Variants in SLC27A4 observed in about 807,000 individuals in gnomAD.
SLC27A4 encodes the protein long-chain fatty acid transport protein 4.
A neutral mutation model predicts 64.4 loss-of-function variants in SLC27A4; 33 were observed. The ratio of observed to expected loss-of-function variants is 0.51; its 90% confidence interval spans 0.39 to 0.68. The LOEUF is 0.68. Among genes scored for constraint, SLC27A4 ranks in the 30% least tolerant of loss-of-function variants. SLC27A4 has a pLI of 0.00. For synonymous variants in SLC27A4, 377 were observed against 370.0 expected, an observed-to-expected ratio of 1.02 and a Z score of -0.22; for missense variants, 824 against 883.5, an observed-to-expected ratio of 0.93 and a Z score of 0.85.
rs781649878 is a variant in SLC27A4, at chr9:128,360,541, G to C, written c.*50G>C. On this transcript the variant is annotated 3_prime_UTR_variant, in exon 13 of 13. Coordinates refer to ENST00000300456, the MANE Select transcript of SLC27A4 (RefSeq NM_005094.4). ...GCGGATGCTGGATCCGGAGCCCCAG[G>C]TTCCGCCCCAGAGCGGTCCTGGACA... The C allele has an allele frequency of 1.9e-6, 3 of 1,607,310 alleles. No homozygotes were observed. The highest frequency in any genetic ancestry group is 2.2e-5 in the East Asian group (1 of 44,826).
chr9:128,354,035 G>A (rs1397312317), intron 9 of SLC27A4, among the ~76,000 whole-genome samples: 3 of 151,834 alleles, frequency 2.0e-5, no homozygotes, highest in South Asian at 2.1e-4. Flanking sequence ...GAGCCACCGC[G>A]CCCGGCCAAG....
Position 128,352,622 on chromosome 9 carries a change from A to G in SLC27A4, c.878-16A>G, listed in dbSNP as rs1421459858. 3 of 1,603,246 alleles carry G rather than the reference A, an allele frequency of 1.9e-6. No individual in the cohort carries two copies. The highest frequency in any genetic ancestry group is 2.6e-6 in the Non-Finnish European group (3 of 1,170,230). ...TTCATCTCGCTGACCCTCAGGGGCC[A>G]TCCCTCTGCCTCCAGGAAACATCGT... is the stretch of plus-strand genomic sequence containing the variant. On this transcript the variant is annotated splice_polypyrimidine_tract_variant and intron_variant, in intron 6 of 12. Coordinates refer to ENST00000300456, the MANE Select transcript of SLC27A4 (RefSeq NM_005094.4).
At chr9:128,342,195 G>C in intron 1 of SLC27A4, 2 of 1,559,136 alleles carry the variant, frequency 1.3e-6, no homozygotes, top group East Asian at 2.2e-5. Context: ...GACTTCGCTC[G>C]TTCTCGCATG....
chr9:128,353,617 C>T lies in SLC27A4; in HGVS notation c.1324+76C>T. Reference sequence around the variant, plus strand: ...GGCCAGGCGCGTGTGGATGGGGAGCCTTGTTCTGACCAGTGGCCATCAGTT... The same window carrying T: ...GGCCAGGCGCGTGTGGATGGGGAGCTTTGTTCTGACCAGTGGCCATCAGTT... On this transcript the variant is annotated intron_variant, in intron 9 of 12. Transcript: ENST00000300456. The surrounding 1 kb of genome is among the most constrained non-coding windows in gnomAD (Gnocchi z 4.9). The T allele has an allele frequency of 6.6e-7, 1 of 1,513,994 alleles. No individual in the cohort carries two copies. The allele number at this position is 1,513,994 out of a possible 1,614,324, so 93.8% of individuals were successfully genotyped here. A position where few individuals can be genotyped will look rare whatever the true frequency, so the allele number is the denominator to read the frequency against.
intron 1 of SLC27A4, chr9:128,342,570 A>G: frequency 3.4e-6 from 2 of 581,312 alleles, no homozygotes; most frequent in Non-Finnish European, 6.0e-6. Flanking sequence ...CAGGGAAGGA[A>G]AGAACTTGCT....
At position 128,350,546 on chromosome 9, in the gene SLC27A4, A is replaced by G. The variant is rs1231329433; in HGVS notation, c.848A>G (p.Tyr283Cys). 3 of 1,613,684 alleles carry G rather than the reference A, an allele frequency of 1.9e-6. No homozygotes were observed. The highest frequency in any genetic ancestry group is 2.2e-5 in the East Asian group (1 of 44,866). ...GFRMRPNDIV[Y>C]DCLPLYHSAG... ...CGCATGCGGCCCAACGACATCGTCT[A>G]TGACTGCCTCCCCCTCTACCACTCA... The change falls in exon 6 of 13, where the codon TAT becomes TGT. Residue 283 changes from tyrosine (Y) to cysteine (C), a missense_variant. Coordinates refer to ENST00000300456, the MANE Select transcript of SLC27A4 (RefSeq NM_005094.4).
chr9:128,353,077 G>T lies in SLC27A4; in HGVS notation c.1040G>T (p.Arg347Leu). Residue 347 changes from arginine (R) to leucine (L), a missense_variant, in exon 8 of 13, where the codon CGG becomes CTG. Coordinates refer to ENST00000300456, the MANE Select transcript of SLC27A4 (RefSeq NM_005094.4). This position sits in a 1 kb window ranked among gnomAD's most constrained non-coding sequence, Gnocchi z 4.9. ...CGCTACCTCCTGAACCAGCCACCGC[G>T]GGAGGCAGAAAACCAGCACCAGGTT... ...LCRYLLNQPP[R>L]EAENQHQVRM... 6.2e-7 allele frequency: 1 copy of T among 1,614,086 alleles called. No individual in the cohort carries two copies. Among genetic ancestry groups the T allele is most frequent in the Non-Finnish European group, 8.5e-7 (1 of 1,179,988 alleles).
At chr9:128,359,620 G>A (rs1460431636) in intron 12 of SLC27A4, among the ~76,000 whole-genome samples, 6 of 151,912 alleles carry the variant, frequency 3.9e-5, no homozygotes, top group African/African-American at 4.8e-5. Context: ...GCAGGACTCC[G>A]TCTCCAATAA....
chr9:128,342,441 A>G (rs1217355468), intron 1 of SLC27A4: 2 of 1,586,218 alleles, frequency 1.3e-6, no homozygotes, highest in Non-Finnish European at 1.7e-6. Flanking sequence ...TTAGCTGTTT[A>G]ACTTTGTAAG....
In SLC27A4 at chr9:128,342,271, G is replaced by C. The variant is rs571291896; in HGVS notation, c.-6-856G>C. On this transcript the variant is annotated intron_variant, in intron 1 of 12. Coordinates refer to ENST00000300456, the MANE Select transcript of SLC27A4 (RefSeq NM_005094.4). ...CGATATGGCTGAGATTGAGAAATTC[G>C]ATAAGTCGAAACTGAAGAAGACAGA... The C allele has an allele frequency of 2.5e-6, 4 of 1,611,292 alleles. No homozygotes were observed. The African/African-American group carries it at 4.0e-5, about 16-fold the overall frequency.
At position 128,351,381 on chromosome 9, in the gene SLC27A4, C is replaced by CACG. The variant is rs537569010; in HGVS notation, c.877+807_877+809dup. Among the ~76,000 whole-genome samples the CACG allele has an allele frequency of 1.8e-3, 268 of 151,834 alleles. 1 individual carries two copies. Among genetic ancestry groups the CACG allele is most frequent in the African/African-American group, 6.1e-3 (254 of 41,370 alleles). On this transcript the variant is annotated intron_variant, in intron 6 of 12. Coordinates refer to ENST00000300456, the MANE Select transcript of SLC27A4 (RefSeq NM_005094.4). Reference sequence around the variant, plus strand: ...GGCAAAGGTTGCAGTGAGCTGAGATCACGCCACTGCACTCCAGCCTGGGCA... The same window carrying CACG: ...GGCAAAGGTTGCAGTGAGCTGAGATCACGACGCCACTGCACTCCAGCCTGGGCA...
chr9:128,352,186 C>A (rs570502200), intron 6 of SLC27A4, among the ~76,000 whole-genome samples: 153 of 150,090 alleles, frequency 1.0e-3, no homozygotes, highest in Middle Eastern at 3.5e-3. Flanking sequence ...CAGAGCGAGA[C>A]TCCGTCTCAA....
intron 1 of SLC27A4, 70 bp from the exon 2 acceptor site, chr9:128,343,057 T>C: frequency 6.3e-7 from 1 of 1,584,730 alleles, no homozygotes. Context: ...GTGGCCTGGC[T>C]GTCTGGGCTG....
chr9:128,354,154 G>A (rs972175655), intron 9 of SLC27A4, among the ~76,000 whole-genome samples: 1 of 151,926 alleles, frequency 6.6e-6, no homozygotes, highest in Non-Finnish European at 1.5e-5. Flanking sequence ...ATGTTGTCCA[G>A]GTTGGTCTCG....
Position 128,353,418 on chromosome 9 carries a change from G to T in SLC27A4, c.1201G>T (p.Gly401Trp). The T allele has an allele frequency of 6.2e-7, 1 of 1,614,162 alleles. No individual in the cohort carries two copies. Among genetic ancestry groups the T allele is most frequent in the African/African-American group, 1.3e-5 (1 of 75,014 alleles). The change falls in exon 9 of 13, where the codon GGG becomes TGG. Residue 401 changes from glycine (G) to tryptophan (W), a missense_variant. Transcript: ENST00000300456. This position sits in a 1 kb window ranked among gnomAD's most constrained non-coding sequence, Gnocchi z 4.9. ...GCCCAAGTCTTGGCCTTCGCAGGTG[G>T]GGGCCTGTGGTTTCAATAGCCGCAT... ...CSLGNFDSQV[G>W]ACGFNSRILS...
intron 12 of SLC27A4, among the ~76,000 whole-genome samples, chr9:128,357,833 C>T (rs1832842597): frequency 6.6e-6 from 1 of 152,214 alleles, no homozygotes; most frequent in African/African-American, 2.4e-5. Context: ...ATGGTGGGCA[C>T]TCCCTAGCCA....
chr9:128,354,851 G>A (rs1832792579), intron 9 of SLC27A4, among the ~76,000 whole-genome samples: 1 of 151,508 alleles, frequency 6.6e-6, no homozygotes, highest in Admixed American at 6.6e-5. Flanking sequence ...TACTCAGGAG[G>A]CTAAGGCAGG....
rs1832603391 is a variant in SLC27A4 at position 128,343,218 on chromosome 9, T to G, written c.86T>G (p.Leu29Arg). The G allele has an allele frequency of 1.9e-6, 3 of 1,614,214 alleles. No homozygotes were observed. The highest frequency in any genetic ancestry group is 2.5e-6 in the Non-Finnish European group (3 of 1,180,032). Residue 29 changes from leucine to arginine, a missense_variant, in exon 2 of 13, where the codon CTG (leucine) becomes CGG (arginine). Leu to Arg is a moderately radical substitution (Grantham distance 102). Coordinates refer to ENST00000300456, the MANE Select transcript of SLC27A4 (RefSeq NM_005094.4). ...KLPWTQVGFS[L>R]LFLYLGSGGW... is the part of the protein sequence containing the mutation. The stretch of plus-strand genomic sequence containing the variant: ...CCCTGGACCCAGGTGGGATTCTCCC[T>G]GTTGTTCCTCTACTTGGGATCTGGC...
In SLC27A4 at chr9:128,360,561, T is replaced by C; in HGVS notation, c.*70T>C. 2 of 1,570,358 alleles carry C rather than the reference T, an allele frequency of 1.3e-6. No individual in the cohort carries two copies. The highest frequency in any genetic ancestry group is 1.7e-6 in the Non-Finnish European group (2 of 1,146,894). On this transcript the variant is annotated 3_prime_UTR_variant, in exon 13 of 13. Coordinates refer to ENST00000300456, the MANE Select transcript of SLC27A4 (RefSeq NM_005094.4). The stretch of plus-strand genomic sequence containing the variant: ...CCCAGGTTCCGCCCCAGAGCGGTCC[T>C]GGACAAGGCCAGACCAAAGCAAGCA...
Sources: gnomAD v4.1 joint callset for allele counts (sites outside exome capture counted in the v4.1 genomes callset) on GRCh38, gnomAD v4.1.1 for gene constraint, Gnocchi (gnomAD v3.1) non-coding constraint, MANE v1.5 for transcripts, NCBI Gene and HGNC (gene_info 2026-07-23, HGNC 2026-07-21) for gene names.